The following GDAP2 variants were observed in gnomAD, a reference collection of about 807,000 sequenced individuals.
GDAP2 encodes ganglioside-induced differentiation-associated protein 2.
In GDAP2, 51 loss-of-function variants were observed where a neutral mutation model predicts 67.0. That is an observed-to-expected ratio of 0.76 (90% CI 0.61 to 0.96). The LOEUF (loss-of-function observed/expected upper bound fraction) is 0.96. GDAP2 is among the 40% of genes least tolerant of loss of function. GDAP2 has a pLI of 0.00. For synonymous variants in GDAP2, 203 were observed against 207.3 expected (o/e 0.98, Z 0.18); for missense variants, 547 against 588.3 (o/e 0.93, Z 0.73).
rs115142539 is a variant in GDAP2, at chr1:117,897,808, G to A, written c.797-819C>T. Among the ~76,000 whole-genome samples, 1,041 of 152,176 alleles carry A rather than the reference G, an allele frequency of 6.8e-3. 8 individuals are homozygous for A. The highest frequency in any genetic ancestry group is 0.024 in the African/African-American group (997 of 41,512). ...GGAGTTTCCCCACGTCTACTTCACTGCTCCTCAAACTGACAGGCCAATAGA... is the reference window on the plus strand; with the variant it reads ...GGAGTTTCCCCACGTCTACTTCACTACTCCTCAAACTGACAGGCCAATAGA... On this transcript the variant is annotated intron_variant, in intron 7 of 13. Transcript: ENST00000369443.
At chr1:117,889,602 T>C (rs1557798888) in intron 8 of GDAP2, among the ~76,000 whole-genome samples, 1 of 152,090 alleles carries the variant, frequency 6.6e-6, no homozygotes, top group Non-Finnish European at 1.5e-5. Context: ...TCACTTAACA[T>C]ACTGTCTTAT....
chr1:117,887,791 T>C lies in GDAP2; in HGVS notation c.954-17A>G. On this transcript the variant is annotated splice_polypyrimidine_tract_variant and intron_variant, in intron 8 of 13. Transcript: ENST00000369443. ...CGATTATAACTAGGGAAATAAATGA[T>C]ATAATCATTATAATAAACCCTTGGA... 2 of 1,311,154 alleles carry C rather than the reference T, an allele frequency of 1.5e-6. No homozygotes were observed. Among genetic ancestry groups the C allele is most frequent in the Middle Eastern group, 2.2e-4 (1 of 4,574 alleles). The allele number at this position is 1,311,154 out of a possible 1,614,324, so 81.2% of individuals were successfully genotyped here.
At chr1:117,872,547 G>A (rs148603030) in intron 13 of GDAP2, among the ~76,000 whole-genome samples, 2,129 of 152,156 alleles carry the variant, frequency 0.014, 41 homozygotes, top group South Asian at 0.092. Context: ...GCAGAGACAC[G>A]GATGAAGCTG....
chr1:117,920,461 G>T (rs1400627529), intron 1 of GDAP2, 37 bp from the exon 2 acceptor site: 24 of 656,192 alleles, frequency 3.7e-5, no homozygotes, highest in Admixed American at 9.3e-5. Flanking sequence ...TAATAGAGAA[G>T]CACAGATATT....
rs187812260 is a variant in GDAP2, at chr1:117,875,189, C to T, written c.1446+2820G>A. Among the ~76,000 whole-genome samples the T allele has an allele frequency of 2.8e-3, 423 of 152,264 alleles. 1 individual carries two copies. The highest frequency in any genetic ancestry group is 1.0e-2 in the African/African-American group (414 of 41,548). On this transcript the variant is annotated intron_variant, in intron 13 of 13. Transcript: ENST00000369443. Reference sequence around the variant, plus strand: ...AGGATAAATCTTTGAGGTAGCTCCTCGCATCACAGACCCAGAGGACTAGGA... The same window carrying T: ...AGGATAAATCTTTGAGGTAGCTCCTTGCATCACAGACCCAGAGGACTAGGA...
Position 117,899,117 on chromosome 1 carries a change from C to G in GDAP2, c.736G>C (p.Gly246Arg), listed in dbSNP as rs1376959106. Residue 246 changes from glycine (G) to arginine (R), a missense_variant, in exon 7 of 14, where the codon GGG becomes CGG. Transcript: ENST00000369443. ...YLPADIGNAE[G>R]EPVVPERQIR... The stretch of plus-strand genomic sequence containing the variant: ...TGTCGTTCAGGTACCACAGGCTCCC[C>G]TTCTGCATTTCCAATATCTGCAGGT... 6.2e-7 allele frequency: 1 copy of G among 1,612,442 alleles called. No homozygotes were observed. Among genetic ancestry groups the G allele is most frequent in the Non-Finnish European group, 8.5e-7 (1 of 1,178,608 alleles).
chr1:117,915,669 A>T (rs1650025423), intron 3 of GDAP2, among the ~76,000 whole-genome samples: 1 of 152,244 alleles, frequency 6.6e-6, no homozygotes, highest in African/African-American at 2.4e-5. Context: ...ACACCCACAT[A>T]CAGGTTCATA....
At chr1:117,877,901 A>T (rs1648518299) in intron 13 of GDAP2, 108 bp downstream of exon 13, 2 of 1,378,614 alleles carry the variant, frequency 1.5e-6, no homozygotes, top group Non-Finnish European at 1.9e-6. Context: ...AAGACTCACT[A>T]ATTTACATTA....
rs566214712 is a variant in GDAP2, at chr1:117,870,268, C to T, written c.*301G>A. 9.8e-5 allele frequency: 38 copies of T among 388,500 alleles called. No individual in the cohort carries two copies. The East Asian group carries it at 1.5e-3, about 15-fold the overall frequency. The allele number at this position is 388,500 out of a possible 1,614,324, so 24.1% of individuals were successfully genotyped here. On this transcript the variant is annotated 3_prime_UTR_variant, in exon 14 of 14. Coordinates refer to ENST00000369443, the MANE Select transcript of GDAP2 (RefSeq NM_017686.4). ...TTGGTGGTTTATCTAATGGAGAATT[C>T]GGTGTCCTTCAGGAAACTAAAGATA...
intron 5 of GDAP2, among the ~76,000 whole-genome samples, chr1:117,911,683 T>C (rs1029693511): frequency 6.6e-6 from 1 of 150,772 alleles, no homozygotes; most frequent in African/African-American, 2.4e-5. Flanking sequence ...AACTTGCCAA[T>C]AAAAACTTCC....
chr1:117,877,807 T>C, intron 13 of GDAP2: 1 of 1,260,182 alleles, frequency 7.9e-7, no homozygotes, highest in Non-Finnish European at 1.0e-6. Flanking sequence ...AACGTTTATC[T>C]GGAGAAAATG....
intron 6 of GDAP2, among the ~76,000 whole-genome samples, 181 bp from the exon 7 acceptor site, chr1:117,899,397 G>A (rs1557802645): frequency 6.6e-6 from 1 of 152,108 alleles, no homozygotes; most frequent in African/African-American, 2.4e-5. Context: ...TTAAAGATAA[G>A]GATATTGTTA....
chr1:117,910,047 A>G (rs534815750), intron 5 of GDAP2, among the ~76,000 whole-genome samples: 6 of 152,320 alleles, frequency 3.9e-5, no homozygotes, highest in Non-Finnish European at 8.8e-5. Flanking sequence ...GTCAGGAGCA[A>G]TTATATCAAG....
At chr1:117,916,069 T>C (rs1440201006) in intron 3 of GDAP2, among the ~76,000 whole-genome samples, 1 of 152,210 alleles carries the variant, frequency 6.6e-6, no homozygotes. Flanking sequence ...ACAGTTCTTG[T>C]CCATATGGAG....
In GDAP2 at chr1:117,867,962, TA is replaced by T. The variant is rs1648133219; in HGVS notation, c.*2606del. On this transcript the variant is annotated 3_prime_UTR_variant, in exon 14 of 14. Transcript: ENST00000369443. ...GCATGATTAATAAATTAATATTTTA[TA>T]ACTTGTGTCTTCAACAATTCAATTA... 6.6e-6 allele frequency: 1 copy of T among 152,348 alleles called. No individual in the cohort carries two copies. The highest frequency in any genetic ancestry group is 1.9e-4 in the East Asian group (1 of 5,194). The allele number at this position is 152,348 out of a possible 1,614,324, so 9.4% of individuals were successfully genotyped here. A position where few individuals can be genotyped will look rare whatever the true frequency, so the allele number is the denominator to read the frequency against.
chr1:117,916,540 G>A (rs1365228228), intron 3 of GDAP2, among the ~76,000 whole-genome samples: 5 of 152,200 alleles, frequency 3.3e-5, no homozygotes, highest in Admixed American at 6.5e-5. Flanking sequence ...TTTAAGAAAC[G>A]AAGAATGGAT....
At chr1:117,875,594 C>T (rs1273625188) in intron 13 of GDAP2, among the ~76,000 whole-genome samples, 3 of 152,230 alleles carry the variant, frequency 2.0e-5, no homozygotes, top group Non-Finnish European at 2.9e-5. Flanking sequence ...AAACCTCTAG[C>T]ATTCAGCTTC....
intron 13 of GDAP2, among the ~76,000 whole-genome samples, chr1:117,870,997 G>C (rs1300761223): frequency 6.6e-6 from 1 of 152,184 alleles, no homozygotes; most frequent in South Asian, 2.1e-4. Flanking sequence ...TACCTAGTTG[G>C]TAACCAGCAC....
chr1:117,912,677 C>T lies in GDAP2; in HGVS notation c.323G>A (p.Arg108Gln), dbSNP rs748108392. The T allele has an allele frequency of 8.7e-6, 14 of 1,612,424 alleles. No individual in the cohort carries two copies. Among genetic ancestry groups the T allele is most frequent in the African/African-American group, 6.7e-5 (5 of 74,772 alleles). Residue 108 changes from arginine (R) to glutamine (Q), a missense_variant, in exon 4 of 14, where the codon CGA (arginine) becomes CAA (glutamine). Coordinates refer to ENST00000369443, the MANE Select transcript of GDAP2 (RefSeq NM_017686.4). ...TTTTGTCAATTTTGCTTCACCTGTT[C>T]GGCACCCTGAAAACAATGGAAACAC... is the stretch of plus-strand genomic sequence containing the variant. ...KEDLQKLKGC[R>Q]TGEAKLTKGF...
Sources: gnomAD v4.1 joint callset for allele counts (sites outside exome capture counted in the v4.1 genomes callset) on GRCh38, gnomAD v4.1.1 for gene constraint, MANE v1.5 for transcripts, NCBI Gene and HGNC (gene_info 2026-07-23, HGNC 2026-07-21) for gene names.